PTPRN2: variants seen among roughly 807,000 people sequenced by gnomAD.
PTPRN2 encodes receptor-type tyrosine-protein phosphatase N2.
Under a neutral mutation model 118.8 loss-of-function variants are expected in PTPRN2, and 74 were observed. That is an observed-to-expected ratio of 0.62 (90% CI 0.52 to 0.76). The LOEUF (loss-of-function observed/expected upper bound fraction) is 0.76. PTPRN2 is among the 30% of genes least tolerant of loss of function. PTPRN2 has a pLI of 0.00. For missense variants in PTPRN2, 1,481 were observed against 1,394.4 expected (o/e 1.06, Z -0.99); for synonymous variants, 641 against 608.0 (o/e 1.05, Z -0.80).
rs1825943240 is a variant in PTPRN2, at chr7:158,540,792, A to AT, written c.112+46765_112+46766insA. Among the ~76,000 whole-genome samples the AT allele has an allele frequency of 3.9e-5, 6 of 151,938 alleles. No homozygotes were observed. In the South Asian group the frequency reaches 6.2e-4, roughly 16 times the overall value. On this transcript the variant is annotated intron_variant, in intron 1 of 22. Coordinates refer to ENST00000389418, the MANE Select transcript of PTPRN2 (RefSeq NM_002847.5). Reference sequence around the variant, plus strand: ...TTTCCTTCAGTGTGGAAGAACCAACAAGTTCTCGGGGCCTCCATCGACCTG... The same window carrying AT: ...TTTCCTTCAGTGTGGAAGAACCAACATAGTTCTCGGGGCCTCCATCGACCTG...
At position 157,671,018 on chromosome 7, in the gene PTPRN2, C is replaced by A. The variant is rs986492967; in HGVS notation, c.2001+11707G>T. 2.6e-5 allele frequency among the ~76,000 whole-genome samples: 4 copies of A among 152,144 alleles called. No individual in the cohort carries two copies. The highest frequency in any genetic ancestry group is 9.7e-5 in the African/African-American group (4 of 41,424). ...CATCACCCGCATCTTCAGCCTGCAG[C>A]GCGTAGGGAGGACTCCCCATGGGCG... is the stretch of plus-strand genomic sequence containing the variant. On this transcript the variant is annotated intron_variant, in intron 13 of 22. Transcript: ENST00000389418. The surrounding 1 kb of genome is among the most constrained non-coding windows in gnomAD (Gnocchi z 4.1).
At chr7:157,566,295 C>T (rs1000007073) in intron 21 of PTPRN2, among the ~76,000 whole-genome samples, 5 of 152,374 alleles carry the variant, frequency 3.3e-5, no homozygotes, top group South Asian at 2.1e-4. Flanking sequence ...AAAGGTTTCA[C>T]GTCCAGGACT....
At chr7:158,329,868 G>T (rs1270901528) in intron 2 of PTPRN2, among the ~76,000 whole-genome samples, 1 of 152,150 alleles carries the variant, frequency 6.6e-6, no homozygotes, top group Non-Finnish European at 1.5e-5. Flanking sequence ...GTAGATGCCA[G>T]CGTCTGACTG....
intron 4 of PTPRN2, among the ~76,000 whole-genome samples, chr7:158,195,032 G>A (rs1257776473): frequency 6.6e-6 from 1 of 152,194 alleles, no homozygotes; most frequent in Non-Finnish European, 1.5e-5. Context: ...ATCTATCGGT[G>A]GATGCAGTTG....
In PTPRN2 at chr7:158,326,434, GAATT is replaced by G. The variant is rs370593009; in HGVS notation, c.164-9506_164-9503del. 3.6e-3 allele frequency among the ~76,000 whole-genome samples: 553 copies of G among 152,350 alleles called. 5 individuals carry two copies. The highest frequency in any genetic ancestry group is 0.01 in the African/African-American group (436 of 41,588). On this transcript the variant is annotated intron_variant, in intron 2 of 22. Transcript: ENST00000389418. The stretch of plus-strand genomic sequence containing the variant: ...GACACTGCTGCCCAGTACAGCAGGA[GAATT>G]AATGCACACTTGTACACGTGTGCAC...
intron 1 of PTPRN2, among the ~76,000 whole-genome samples, chr7:158,504,273 G>A (rs1822581339): frequency 6.6e-6 from 1 of 152,112 alleles, no homozygotes; most frequent in African/African-American, 2.4e-5. Context: ...GTGCCATGGT[G>A]GTTTCCTGCA....
rs778974988 is a variant in PTPRN2, at chr7:157,881,130, A to G, written c.1788+17543T>C. On this transcript the variant is annotated intron_variant, in intron 12 of 22. Coordinates refer to ENST00000389418, the MANE Select transcript of PTPRN2 (RefSeq NM_002847.5). The surrounding 1 kb of genome is among the most constrained non-coding windows in gnomAD (Gnocchi z 4.7). Reference sequence around the variant, plus strand: ...TACAGTAGTCATTATGATAAAATGAAGTCATGAGGGTATGTGGAGATGGAG... The same window carrying G: ...TACAGTAGTCATTATGATAAAATGAGGTCATGAGGGTATGTGGAGATGGAG... Among the ~76,000 whole-genome samples the G allele has an allele frequency of 4.3e-4, 60 of 140,194 alleles. No homozygotes were observed. The highest frequency in any genetic ancestry group is 6.0e-4 in the Non-Finnish European group (39 of 64,608). The allele number at this position is 140,194 out of a possible 152,430, so 92.0% of individuals were successfully genotyped here. A position where few individuals can be genotyped will look rare whatever the true frequency, so the allele number is the denominator to read the frequency against.
At chr7:158,522,311 TCCGG>T (rs1261751926) in intron 1 of PTPRN2, among the ~76,000 whole-genome samples, 1 of 100,912 alleles carries the variant, frequency 9.9e-6, no homozygotes, top group African/African-American at 4.4e-5. Context: ...TGGTGGACTG[TCCGG>T]GTAGTGGCTC....
At chr7:157,815,374 G>A (rs746596038) in intron 12 of PTPRN2, among the ~76,000 whole-genome samples, 1 of 152,176 alleles carries the variant, frequency 6.6e-6, no homozygotes, top group Non-Finnish European at 1.5e-5. Flanking sequence ...AGGCCTCCGC[G>A]CATCAGTGTG....
At chr7:158,423,700 G>A (rs573522037) in intron 2 of PTPRN2, among the ~76,000 whole-genome samples, 2 of 151,958 alleles carry the variant, frequency 1.3e-5, no homozygotes, top group African/African-American at 4.8e-5. Flanking sequence ...TAGTAGAGAC[G>A]GGGTTTCACC....
At position 157,784,120 on chromosome 7, in the gene PTPRN2, C is replaced by A. The variant is rs1322294509; in HGVS notation, c.1789-101183G>T. The stretch of plus-strand genomic sequence containing the variant: ...GGATGGGTGTGTTTAGTTCTGCTTC[C>A]AGGGACTATTCCTAAATTCTGCTTG... On this transcript the variant is annotated intron_variant, in intron 12 of 22. Coordinates refer to ENST00000389418, the MANE Select transcript of PTPRN2 (RefSeq NM_002847.5). The surrounding 1 kb of genome is among the most constrained non-coding windows in gnomAD (Gnocchi z 4.6). 6.6e-6 allele frequency among the ~76,000 whole-genome samples: 1 copy of A among 152,122 alleles called. No homozygotes were observed. Among genetic ancestry groups the A allele is most frequent in the Non-Finnish European group, 1.5e-5 (1 of 68,022 alleles).
chr7:158,501,926 T>C (rs568478304), intron 1 of PTPRN2, among the ~76,000 whole-genome samples: 5 of 152,122 alleles, frequency 3.3e-5, no homozygotes, highest in Non-Finnish European at 7.4e-5. Flanking sequence ...GTCACCATCC[T>C]CCTAGCTCTG....
chr7:158,521,247 G>A (rs570249093), intron 1 of PTPRN2, among the ~76,000 whole-genome samples: 11 of 152,206 alleles, frequency 7.2e-5, no homozygotes, highest in Non-Finnish European at 1.2e-4. Flanking sequence ...GGGTATGCAG[G>A]GCTGGCTGTA....
chr7:158,036,295 A>G (rs1194389413), intron 11 of PTPRN2, among the ~76,000 whole-genome samples: 1 of 152,270 alleles, frequency 6.6e-6, no homozygotes, highest in African/African-American at 2.4e-5. Flanking sequence ...AAGGAATGGT[A>G]TCTGACTATA....
chr7:157,825,238 G>A (rs551543292), intron 12 of PTPRN2, among the ~76,000 whole-genome samples: 19 of 152,222 alleles, frequency 1.2e-4, no homozygotes, highest in Middle Eastern at 3.4e-3. Flanking sequence ...GGTGGGACGC[G>A]CGCCCTGCTC....
At chr7:158,450,366 TAC>T (rs1056136302) in intron 2 of PTPRN2, among the ~76,000 whole-genome samples, 1 of 152,206 alleles carries the variant, frequency 6.6e-6, no homozygotes. Flanking sequence ...CAAGGACACA[TAC>T]ACACACACTG....
chr7:157,628,464 C>T lies in PTPRN2; in HGVS notation c.2197-6955G>A, dbSNP rs148348120. Among the ~76,000 whole-genome samples the T allele has an allele frequency of 3.0e-3, 462 of 152,278 alleles. 6 individuals are homozygous for T. Among genetic ancestry groups the T allele is most frequent in the African/African-American group, 0.011 (438 of 41,562 alleles). ...GAAAGGAGCTTCTGTGGAACAGGAA[C>T]GCACATGAACACACTGGGAAGGCAC... On this transcript the variant is annotated intron_variant, in intron 14 of 22. Coordinates refer to ENST00000389418, the MANE Select transcript of PTPRN2 (RefSeq NM_002847.5).
intron 3 of PTPRN2, among the ~76,000 whole-genome samples, chr7:158,274,616 C>T (rs552224192): frequency 6.6e-6 from 1 of 152,308 alleles, no homozygotes; most frequent in African/African-American, 2.4e-5. Flanking sequence ...TGTCAGCAGC[C>T]TTCCTGGGAA....
At chr7:157,924,867 C>T (rs112632319) in intron 11 of PTPRN2, among the ~76,000 whole-genome samples, 185 of 95,942 alleles carry the variant, frequency 1.9e-3, no homozygotes, top group African/African-American at 2.7e-3. Flanking sequence ...GCATTTAGCA[C>T]GTCAGGCAAA....
Sources: gnomAD v4.1 joint callset for allele counts (sites outside exome capture counted in the v4.1 genomes callset) on GRCh38, gnomAD v4.1.1 for gene constraint, Gnocchi (gnomAD v3.1) non-coding constraint, MANE v1.5 for transcripts, NCBI Gene and HGNC (gene_info 2026-07-23, HGNC 2026-07-21) for gene names.